The following MAPRE3 variants were observed in gnomAD, a reference collection of about 807,000 sequenced individuals.
MAPRE3 encodes the protein microtubule-associated protein RP/EB family member 3.
In MAPRE3, 2 loss-of-function variants were observed where a neutral mutation model predicts 30.5. That is an observed-to-expected ratio of 0.07 (90% CI 0.03 to 0.21). The LOEUF (loss-of-function observed/expected upper bound fraction) is 0.21, where lower values mean the gene tolerates loss of function less well. Among genes scored for constraint, MAPRE3 ranks in the 10% least tolerant of loss-of-function variants. MAPRE3 has a pLI of 1.00. For synonymous variants in MAPRE3, 110 were observed against 127.7 expected (o/e 0.86, Z 0.93); for missense variants, 204 against 351.8 (o/e 0.58, Z 3.36).
chr2:27,016,363 A>T (rs1340247622), intron 1 of MAPRE3, among the ~76,000 whole-genome samples: 2 of 144,666 alleles, frequency 1.4e-5, no homozygotes, highest in Non-Finnish European at 3.0e-5. Flanking sequence ...TATTATTAAG[A>T]GTTTCGTCAG....
chr2:26,996,650 C>T (rs1011218814), intron 1 of MAPRE3, among the ~76,000 whole-genome samples: 3 of 151,974 alleles, frequency 2.0e-5, no homozygotes, highest in South Asian at 2.1e-4. Context: ...ATTAGCCGGG[C>T]GCCGTGGTGG....
intron 1 of MAPRE3, among the ~76,000 whole-genome samples, chr2:27,007,960 C>T (rs1324486444): frequency 3.3e-5 from 5 of 152,130 alleles, no homozygotes; most frequent in African/African-American, 4.8e-5. Flanking sequence ...AGGGATGTTA[C>T]GAGGACTTGT....
At chr2:27,006,106 C>T (rs1277233715) in intron 1 of MAPRE3, among the ~76,000 whole-genome samples, 1 of 152,188 alleles carries the variant, frequency 6.6e-6, no homozygotes, top group African/African-American at 2.4e-5. Flanking sequence ...GGCGTGAACC[C>T]GGGAGGCGTA....
At chr2:26,991,064 T>C (rs568961235) in intron 1 of MAPRE3, among the ~76,000 whole-genome samples, 57 of 152,230 alleles carry the variant, frequency 3.7e-4, no homozygotes, top group African/African-American at 1.1e-3. Flanking sequence ...CCATCCTGGC[T>C]AACATGGTGA....
intron 1 of MAPRE3, among the ~76,000 whole-genome samples, chr2:26,990,337 C>G (rs1471996632): frequency 3.9e-5 from 6 of 152,178 alleles, no homozygotes; most frequent in Non-Finnish European, 7.3e-5. Context: ...CCACTCAGTC[C>G]TTCCTATGCA....
At chr2:26,990,459 A>G (rs980169465) in intron 1 of MAPRE3, among the ~76,000 whole-genome samples, 3 of 152,202 alleles carry the variant, frequency 2.0e-5, no homozygotes, top group Admixed American at 1.3e-4. Context: ...GAACCTTTGC[A>G]GAGGAATGAA....
intron 1 of MAPRE3, among the ~76,000 whole-genome samples, chr2:26,994,528 TCTAA>T (rs936949496): frequency 1.2e-4 from 18 of 152,222 alleles, no homozygotes; most frequent in African/African-American, 4.3e-4. Context: ...AGTTTTCCTT[TCTAA>T]CTATCTTTTT....
chr2:27,006,997 C>T (rs903375510), intron 1 of MAPRE3, among the ~76,000 whole-genome samples: 1 of 152,186 alleles, frequency 6.6e-6, no homozygotes, highest in Admixed American at 6.5e-5. Context: ...CTGATAAGAA[C>T]TATCTCCAGT....
At chr2:27,005,210 A>G (rs1020407503) in intron 1 of MAPRE3, among the ~76,000 whole-genome samples, 6 of 152,250 alleles carry the variant, frequency 3.9e-5, no homozygotes, top group African/African-American at 9.6e-5. Flanking sequence ...ATGTTCAAAT[A>G]TATTAATTCC....
intron 1 of MAPRE3, among the ~76,000 whole-genome samples, chr2:26,998,960 C>T (rs1339103495): frequency 6.6e-6 from 1 of 152,106 alleles, no homozygotes; most frequent in Non-Finnish European, 1.5e-5. Flanking sequence ...ACTTTGGAAT[C>T]CTGATTCTGT....
At chr2:27,008,472 GA>G (rs1248426291) in intron 1 of MAPRE3, among the ~76,000 whole-genome samples, 17 of 151,988 alleles carry the variant, frequency 1.1e-4, no homozygotes, top group Admixed American at 9.8e-4. Context: ...TTAAAAAGAA[GA>G]AAAAATCTGA....
intron 3 of MAPRE3, chr2:27,023,690 C>G: frequency 1.7e-6 from 1 of 586,794 alleles, no homozygotes; most frequent in Non-Finnish European, 3.1e-6. Context: ...ATTCCTTTCC[C>G]TTCCTCCTCT....
rs1666959927 is a variant in MAPRE3, at chr2:27,015,350, G to T, written c.-7-6862G>T. Reference sequence around the variant, plus strand: ...GAGCTGTCACTGTCCTCACTTTATAGATGAGGACACTGAGACCTAAAGTCA... The same window carrying T: ...GAGCTGTCACTGTCCTCACTTTATATATGAGGACACTGAGACCTAAAGTCA... On this transcript the variant is annotated intron_variant, in intron 1 of 6. Transcript: ENST00000233121. The surrounding 1 kb of genome is among the most constrained non-coding windows in gnomAD (Gnocchi z 4.0). Among the ~76,000 whole-genome samples the T allele has an allele frequency of 6.6e-6, 1 of 152,202 alleles. No individual in the cohort carries two copies.
At chr2:26,995,040 A>G (rs917027196) in intron 1 of MAPRE3, among the ~76,000 whole-genome samples, 2 of 151,922 alleles carry the variant, frequency 1.3e-5, no homozygotes, top group Non-Finnish European at 2.9e-5. Context: ...GAATCTCACT[A>G]TGTTGCCCAA....
intron 1 of MAPRE3, among the ~76,000 whole-genome samples, chr2:26,987,224 T>A: frequency 6.6e-6 from 1 of 152,372 alleles, no homozygotes. Flanking sequence ...TAATTATTAA[T>A]GTTTATTTTC....
chr2:27,013,503 CCA>C (rs762884980), intron 1 of MAPRE3: 2 of 152,218 alleles, frequency 1.3e-5, no homozygotes, highest in Non-Finnish European at 2.9e-5. Flanking sequence ...AAGCAGAAAA[CCA>C]CACTTTCTGA....
chr2:27,009,083 A>C (rs13013249), intron 1 of MAPRE3, among the ~76,000 whole-genome samples: 8 of 152,078 alleles, frequency 5.3e-5, no homozygotes, highest in African/African-American at 1.9e-4. Flanking sequence ...GGTAGCATGA[A>C]GGAGTTTCTT....
intron 1 of MAPRE3, among the ~76,000 whole-genome samples, chr2:26,978,437 A>T (rs1666055548): frequency 1.4e-5 from 2 of 146,540 alleles, no homozygotes; most frequent in African/African-American, 5.0e-5. Flanking sequence ...GCCACCCTCC[A>T]CCCCCACCCG....
At chr2:26,988,806 G>A (rs190114906) in intron 1 of MAPRE3, among the ~76,000 whole-genome samples, 6 of 152,342 alleles carry the variant, frequency 3.9e-5, no homozygotes, top group Admixed American at 3.9e-4. Flanking sequence ...TCACCTATGT[G>A]TACCCTAAGT....
Sources: allele counts gnomAD v4.1 joint callset (sites outside exome capture counted in the v4.1 genomes callset), GRCh38; gene constraint gnomAD v4.1.1; non-coding constraint Gnocchi (gnomAD v3.1); transcripts MANE v1.5; gene names NCBI Gene and HGNC (gene_info 2026-07-23, HGNC 2026-07-21).